Variants in GRIN2B observed in about 807,000 individuals in gnomAD.
GRIN2B encodes glutamate receptor ionotropic, NMDA 2B.
In GRIN2B, 5 loss-of-function variants were observed where a neutral mutation model predicts 114.5. The observed-to-expected ratio is 0.04, with a 90% CI of 0.02 to 0.09. The LOEUF is 0.09. Among genes scored for constraint, GRIN2B ranks in the 10% least tolerant of loss-of-function variants. The pLI, the probability that GRIN2B is intolerant of heterozygous loss-of-function variation, is 1.00. For synonymous variants in GRIN2B, 787 were observed against 745.1 expected, an observed-to-expected ratio of 1.06 and a Z score of -0.92; for missense variants, 1,108 against 1,943.5, an observed-to-expected ratio of 0.57 and a Z score of 8.08.
chr12:13,962,139 T>C (rs938819990), intron 2 of GRIN2B, among the ~76,000 whole-genome samples: 5 of 130,404 alleles, frequency 3.8e-5, no homozygotes, highest in African/African-American at 1.3e-4. Flanking sequence ...AAGCTGGCTC[T>C]TCCACACAGT....
At position 13,547,343 on chromosome 12, in the gene GRIN2B, C is replaced by T. The variant is rs1948356744; in HGVS notation, c.*15440G>A. ...AGCTGTCTTTCCTTTTGTGAAGCAC[C>T]AACCACTGAAGTTCATTTTGGAATC... On this transcript the variant is annotated 3_prime_UTR_variant, in exon 14 of 14. Transcript: ENST00000609686. 6.6e-6 allele frequency: 1 copy of T among 151,994 alleles called. No individual in the cohort carries two copies. Among genetic ancestry groups the T allele is most frequent in the South Asian group, 2.1e-4 (1 of 4,784 alleles). The allele number at this position is 151,994 out of a possible 1,614,324, so 9.4% of individuals were successfully genotyped here.
In GRIN2B at chr12:13,562,512, C is replaced by A. The variant is rs199726271; in HGVS notation, c.*271G>T. ...CTTCCTTTCTCCGCTCTACCCTCCC[C>A]TGCTGAGAGGGCCCATGGCATCATC... On this transcript the variant is annotated 3_prime_UTR_variant, in exon 14 of 14. Coordinates refer to ENST00000609686, the MANE Select transcript of GRIN2B (RefSeq NM_000834.5). The A allele has an allele frequency of 6.4e-4, 311 of 489,652 alleles. 3 individuals carry two copies. The South Asian group carries it at 7.8e-3, about 12-fold the overall frequency. The allele number at this position is 489,652 out of a possible 1,614,324, so 30.3% of individuals were successfully genotyped here. A position where few individuals can be genotyped will look rare whatever the true frequency, so the allele number is the denominator to read the frequency against.
intron 2 of GRIN2B, among the ~76,000 whole-genome samples, chr12:13,882,789 TA>T (rs2136766451): frequency 6.6e-6 from 1 of 152,330 alleles, no homozygotes; most frequent in East Asian, 1.9e-4. Context: ...TTGCATACAT[TA>T]AAATTCACGC....
At chr12:13,905,280 C>T (rs1229497069) in intron 2 of GRIN2B, among the ~76,000 whole-genome samples, 1 of 152,162 alleles carries the variant, frequency 6.6e-6, no homozygotes, top group African/African-American at 2.4e-5. Context: ...TCAGACTCCT[C>T]ATCCAGTTCA....
At chr12:13,666,369 G>A (rs1427968051) in intron 5 of GRIN2B, among the ~76,000 whole-genome samples, 1 of 152,152 alleles carries the variant, frequency 6.6e-6, no homozygotes, top group African/African-American at 2.4e-5. Flanking sequence ...AAGAGAGAGG[G>A]AGGGTGGAAG....
intron 2 of GRIN2B, among the ~76,000 whole-genome samples, chr12:13,947,241 C>G (rs1323660759): frequency 6.6e-6 from 1 of 152,184 alleles, no homozygotes; most frequent in Non-Finnish European, 1.5e-5. Flanking sequence ...GTCAGTGTAG[C>G]TAATAAACCA....
chr12:13,586,638 A>T (rs1422041513), intron 10 of GRIN2B, among the ~76,000 whole-genome samples: 1 of 152,240 alleles, frequency 6.6e-6, no homozygotes, highest in East Asian at 1.9e-4. Context: ...GACAAGCCAC[A>T]TAGCAGCACA....
intron 2 of GRIN2B, among the ~76,000 whole-genome samples, chr12:13,880,089 A>G (rs1354072484): frequency 1.3e-5 from 2 of 152,182 alleles, no homozygotes; most frequent in African/African-American, 4.8e-5. Context: ...ACACTCCCCA[A>G]CACAGGACTG....
chr12:13,975,116 G>T (rs543221219), intron 2 of GRIN2B, among the ~76,000 whole-genome samples: 1 of 152,290 alleles, frequency 6.6e-6, no homozygotes, highest in South Asian at 2.1e-4. Flanking sequence ...AAAAAGAAGT[G>T]CTGGAATCCC....
At chr12:13,831,070 G>A (rs1381425162) in intron 3 of GRIN2B, among the ~76,000 whole-genome samples, 2 of 152,148 alleles carry the variant, frequency 1.3e-5, no homozygotes, top group Admixed American at 6.5e-5. Flanking sequence ...CCTAAGAGCA[G>A]GTTGTTAAAA....
chr12:13,744,667 C>T (rs990099975), intron 4 of GRIN2B, among the ~76,000 whole-genome samples: 1 of 152,094 alleles, frequency 6.6e-6, no homozygotes, highest in Non-Finnish European at 1.5e-5. Flanking sequence ...AGGCAGCCCC[C>T]GGCCGGCTGC....
intron 3 of GRIN2B, among the ~76,000 whole-genome samples, chr12:13,825,493 A>ATATATTTTTTTTTT (rs1555144006): frequency 2.9e-3 from 81 of 28,126 alleles, no homozygotes; most frequent in African/African-American, 7.2e-3. Flanking sequence ...ATATATATAT[A>ATATATTTTTTTTTT]TTTTGTGTGT....
At chr12:13,901,386 C>T (rs1866450062) in intron 2 of GRIN2B, among the ~76,000 whole-genome samples, 1 of 152,014 alleles carries the variant, frequency 6.6e-6, no homozygotes, top group Non-Finnish European at 1.5e-5. Flanking sequence ...ATACTTTAAA[C>T]AGATATAAAT....
At chr12:13,648,981 GA>G in intron 5 of GRIN2B, among the ~76,000 whole-genome samples, 1 of 152,136 alleles carries the variant, frequency 6.6e-6, no homozygotes, top group South Asian at 2.1e-4. Flanking sequence ...AATAGCCTGG[GA>G]AAAAATAGCA....
chr12:13,921,103 TAA>T (rs891275915), intron 2 of GRIN2B, among the ~76,000 whole-genome samples: 1 of 152,168 alleles, frequency 6.6e-6, no homozygotes, highest in Non-Finnish European at 1.5e-5. Context: ...CATATTAAAA[TAA>T]AGTTTTAGGA....
intron 5 of GRIN2B, among the ~76,000 whole-genome samples, chr12:13,628,361 G>A (rs1949589360): frequency 6.6e-6 from 1 of 152,144 alleles, no homozygotes; most frequent in South Asian, 2.1e-4. Flanking sequence ...TTACTGGACT[G>A]GTCCCCAGCT....
At chr12:13,673,182 C>A (rs752628791) in intron 5 of GRIN2B, among the ~76,000 whole-genome samples, 12 of 152,066 alleles carry the variant, frequency 7.9e-5, no homozygotes, top group African/African-American at 1.2e-4. Flanking sequence ...GAGGAAGCTG[C>A]AACATTTTAA....
rs549837804 is a variant in GRIN2B at position 13,868,643 on chromosome 12, C to A, written c.-18-2417G>T. 6.6e-5 allele frequency among the ~76,000 whole-genome samples: 10 copies of A among 152,336 alleles called. No individual in the cohort carries two copies. In the East Asian group the frequency reaches 1.9e-3, roughly 29 times the overall value. Reference sequence around the variant, plus strand: ...GGCCCACTCTGCCGTGACAGTTTAACTTTAATGCACTCCACTCTCCCACTT... The same window carrying A: ...GGCCCACTCTGCCGTGACAGTTTAAATTTAATGCACTCCACTCTCCCACTT... On this transcript the variant is annotated intron_variant, in intron 2 of 13. Coordinates refer to ENST00000609686, the MANE Select transcript of GRIN2B (RefSeq NM_000834.5).
chr12:13,657,079 A>G (rs1267271372), intron 5 of GRIN2B, among the ~76,000 whole-genome samples: 1 of 152,168 alleles, frequency 6.6e-6, no homozygotes, highest in Admixed American at 6.5e-5. Context: ...AGAGTAGGGA[A>G]GGAGAGCAGG....
Sources: gnomAD v4.1 joint callset for allele counts (sites outside exome capture counted in the v4.1 genomes callset) on GRCh38, gnomAD v4.1.1 for gene constraint, MANE v1.5 for transcripts, NCBI Gene and HGNC (gene_info 2026-07-23, HGNC 2026-07-21) for gene names.